Variants in MIAT observed in about 807,000 individuals in gnomAD.
MIAT encodes the protein myocardial infarction associated transcript, also known as MI related novel mRNA.
intron 2 of MIAT, chr22:26,647,430 T>G: frequency 8.2e-6 from 3 of 365,502 alleles, no homozygotes; most frequent in East Asian, 4.0e-5. Flanking sequence ...AGAGAGATTG[T>G]GTACAACAGA....
intron 2 of MIAT, among the ~76,000 whole-genome samples, chr22:26,655,834 G>T (rs998376005): frequency 1.3e-5 from 2 of 152,008 alleles, no homozygotes; most frequent in African/African-American, 2.4e-5. Flanking sequence ...GGCACACACC[G>T]CCAGGCCTGG....
chr22:26,672,602 GA>G (rs58693961), downstream of MIAT: 4,707 of 399,178 alleles, frequency 0.012, 191 homozygotes, highest in African/African-American at 0.086. Context: ...GGAAGCTGGG[GA>G]AGAATCCTCT....
intron 2 of MIAT, among the ~76,000 whole-genome samples, chr22:26,655,092 A>G (rs1489082889): frequency 3.3e-5 from 5 of 152,190 alleles, no homozygotes; most frequent in Non-Finnish European, 7.3e-5. Context: ...CAATGCTGTG[A>G]CCACACACTG....
chr22:26,670,956 G>C (rs1931023426), downstream of MIAT: 1 of 397,480 alleles, frequency 2.5e-6, no homozygotes, highest in Non-Finnish European at 4.4e-6. Flanking sequence ...AGGCCAGCTT[G>C]ATGCGTTTTT....
intron 2 of MIAT, among the ~76,000 whole-genome samples, chr22:26,651,374 C>T (rs2145997706): frequency 6.6e-6 from 1 of 152,264 alleles, no homozygotes; most frequent in East Asian, 1.9e-4. Flanking sequence ...CAAAATTTGG[C>T]CTTGCCCAGA....
exon 4 of MIAT, chr22:26,666,512 G>A (rs1462138601): frequency 5.0e-6 from 2 of 398,582 alleles, no homozygotes; most frequent in Non-Finnish European, 8.8e-6. Context: ...GCCACCCAGT[G>A]TGGCAGGAGC....
chr22:26,657,491 A>G, intron 2 of MIAT: 1 of 398,680 alleles, frequency 2.5e-6, no homozygotes, highest in Non-Finnish European at 4.4e-6. Context: ...GCAGCTACAA[A>G]GACGACGCCG....
chr22:26,652,614 C>T (rs1437892721), intron 2 of MIAT, among the ~76,000 whole-genome samples: 1 of 152,142 alleles, frequency 6.6e-6, no homozygotes, highest in Admixed American at 6.5e-5. Flanking sequence ...CCTCGGCCTC[C>T]CAAAGTGCTA....
intron 5 of MIAT, chr22:26,668,052 G>T (rs1930915811): frequency 2.5e-6 from 1 of 397,664 alleles, no homozygotes; most frequent in Middle Eastern, 6.3e-4. Context: ...AGACTGGGGG[G>T]ATCTCTGAAC....
At chr22:26,668,382 C>T in exon 6 of MIAT, 1 of 398,828 alleles carries the variant, frequency 2.5e-6, no homozygotes, top group Non-Finnish European at 4.4e-6. Context: ...ACTGATCTGG[C>T]TCTGGAGGAC....
At chr22:26,648,617 A>G (rs1247157530) in intron 2 of MIAT, among the ~76,000 whole-genome samples, 1 of 150,686 alleles carries the variant, frequency 6.6e-6, no homozygotes, top group Non-Finnish European at 1.5e-5. Context: ...TAGAGGATAC[A>G]TTTTCAGGTC....
At chr22:26,653,825 C>T (rs150799817) in intron 2 of MIAT, among the ~76,000 whole-genome samples, 4,534 of 152,170 alleles carry the variant, frequency 0.03, 207 homozygotes, top group African/African-American at 0.1. Context: ...CTGCAACTTC[C>T]GCCTCCCAGG....
At chr22:26,651,600 T>C (rs923845423) in intron 2 of MIAT, among the ~76,000 whole-genome samples, 20 of 152,220 alleles carry the variant, frequency 1.3e-4, no homozygotes, top group African/African-American at 3.9e-4. Flanking sequence ...TGCCTGTTCA[T>C]AGCAGCGCTA....
chr22:26,652,850 C>T (rs1303673993), intron 2 of MIAT, among the ~76,000 whole-genome samples: 1 of 152,162 alleles, frequency 6.6e-6, no homozygotes, highest in East Asian at 1.9e-4. Flanking sequence ...AGAGTGGTAT[C>T]ATGCAGAGCA....
chr22:26,661,330 C>T (rs1930654046), intron 2 of MIAT, among the ~76,000 whole-genome samples: 1 of 152,180 alleles, frequency 6.6e-6, no homozygotes, highest in African/African-American at 2.4e-5. Flanking sequence ...ACATCTGTCT[C>T]CCTATCCCAT....
At chr22:26,662,615 A>G (rs1930713859) in intron 2 of MIAT, among the ~76,000 whole-genome samples, 1 of 152,148 alleles carries the variant, frequency 6.6e-6, no homozygotes, top group Non-Finnish European at 1.5e-5. Context: ...TTCCCCCAGC[A>G]TGTCTCCTGC....
At chr22:26,654,965 G>A (rs1930399201) in intron 2 of MIAT, among the ~76,000 whole-genome samples, 1 of 152,170 alleles carries the variant, frequency 6.6e-6, no homozygotes, top group Non-Finnish European at 1.5e-5. Context: ...GCCCGCCTCG[G>A]CCTCCCAAAG....
exon 5 of MIAT, chr22:26,667,216 C>A (rs1930875860): frequency 2.5e-6 from 1 of 398,532 alleles, no homozygotes; most frequent in South Asian, 1.3e-4. Flanking sequence ...TTCTCTGAGC[C>A]AGATGCTGGG....
At chr22:26,651,859 T>C (rs1930341747) in intron 2 of MIAT, among the ~76,000 whole-genome samples, 1 of 152,126 alleles carries the variant, frequency 6.6e-6, no homozygotes, top group South Asian at 2.1e-4. Context: ...TGGGGTGTTA[T>C]TTTGGGGGTG....
Sources: allele counts gnomAD v4.1 joint callset (sites outside exome capture counted in the v4.1 genomes callset), GRCh38; gene constraint gnomAD v4.1.1; transcripts MANE v1.5; gene names NCBI Gene and HGNC (gene_info 2026-07-23, HGNC 2026-07-21).